Variants in NFIA observed in about 807,000 individuals in gnomAD.
The protein encoded by NFIA is nuclear factor 1 A-type.
In NFIA, 8 loss-of-function variants were observed where a neutral mutation model predicts 62.8. That is an observed-to-expected ratio of 0.13 (90% CI 0.07 to 0.23). The LOEUF is 0.23. Ranked by LOEUF, NFIA falls within the 10% of genes least tolerant of loss-of-function variation. The pLI is 1.00. For synonymous variants in NFIA, 235 were observed against 238.1 expected, an observed-to-expected ratio of 0.99 and a Z score of 0.12; for missense variants, 410 against 642.1, an observed-to-expected ratio of 0.64 and a Z score of 3.91.
At chr1:61,447,122 C>T (rs1458000866) in intron 10 of NFIA, among the ~76,000 whole-genome samples, 1 of 151,748 alleles carries the variant, frequency 6.6e-6, no homozygotes, top group Non-Finnish European at 1.5e-5. Flanking sequence ...CAACTCTCCC[C>T]CTGCCAAAAA....
chr1:61,397,755 G>A (rs1048909666), intron 7 of NFIA, among the ~76,000 whole-genome samples: 1 of 152,188 alleles, frequency 6.6e-6, no homozygotes, highest in Non-Finnish European at 1.5e-5. Context: ...TTAAACTCAT[G>A]TCTATCTGAC....
At chr1:61,261,164 G>A (rs1656750650) in intron 2 of NFIA, among the ~76,000 whole-genome samples, 1 of 152,192 alleles carries the variant, frequency 6.6e-6, no homozygotes, top group African/African-American at 2.4e-5. Flanking sequence ...GCTTCTAACA[G>A]TTGATTCTGA....
At chr1:61,228,690 T>A (rs555828509) in intron 2 of NFIA, among the ~76,000 whole-genome samples, 123 of 152,008 alleles carry the variant, frequency 8.1e-4, no homozygotes, top group African/African-American at 2.2e-3. Flanking sequence ...CTGTATTTTT[T>A]AAAAAAAATG....
intron 2 of NFIA, among the ~76,000 whole-genome samples, chr1:61,089,659 G>A (rs2100416751): frequency 6.9e-6 from 1 of 145,228 alleles, no homozygotes; most frequent in African/African-American, 2.5e-5. Context: ...CTACCAGTAG[G>A]TTGTTTTGGG....
At chr1:61,242,830 T>G (rs2100647148) in intron 2 of NFIA, among the ~76,000 whole-genome samples, 1 of 152,274 alleles carries the variant, frequency 6.6e-6, no homozygotes, top group East Asian at 1.9e-4. Flanking sequence ...TTTGTTTTTA[T>G]CTCAATTGGT....
intron 2 of NFIA, among the ~76,000 whole-genome samples, chr1:61,197,109 G>A (rs1216686750): frequency 6.6e-6 from 1 of 151,972 alleles, no homozygotes; most frequent in Non-Finnish European, 1.5e-5. Flanking sequence ...GCAACGAAGA[G>A]ATAAGAGTTT....
chr1:61,257,379 C>A (rs1284978319), intron 2 of NFIA, among the ~76,000 whole-genome samples: 1 of 142,052 alleles, frequency 7.0e-6, no homozygotes, highest in Non-Finnish European at 1.5e-5. Flanking sequence ...CCTCTGTCAC[C>A]CAGGCTGGAG....
intron 3 of NFIA, among the ~76,000 whole-genome samples, chr1:61,308,616 G>T (rs149068969): frequency 7.9e-5 from 12 of 152,250 alleles, no homozygotes; most frequent in African/African-American, 2.9e-4. Context: ...AAGAAGATGG[G>T]CTTGGAAATC....
chr1:61,103,815 T>C (rs1052503201), intron 2 of NFIA, among the ~76,000 whole-genome samples: 4 of 152,208 alleles, frequency 2.6e-5, no homozygotes, highest in African/African-American at 9.6e-5. Context: ...TTTCTATTTC[T>C]TCACCCAAAT....
chr1:61,159,311 GAGAA>G (rs1649017135), intron 2 of NFIA, among the ~76,000 whole-genome samples: 1 of 152,164 alleles, frequency 6.6e-6, no homozygotes, highest in African/African-American at 2.4e-5. Flanking sequence ...AAAGAGGCAA[GAGAA>G]AGCATTGATC....
At chr1:61,087,842 C>T (rs1051088774) in intron 1 of NFIA, among the ~76,000 whole-genome samples, 1 of 152,216 alleles carries the variant, frequency 6.6e-6, no homozygotes, top group Non-Finnish European at 1.5e-5. Context: ...ATAAACTTCA[C>T]TTACTATCTA....
Position 61,383,372 on chromosome 1 carries a change from TGCTCCACAGGCACCC to T in NFIA, c.1075+8_1075+22del. 6.2e-7 allele frequency: 1 copy of T among 1,613,798 alleles called. No individual in the cohort carries two copies. The highest frequency in any genetic ancestry group is 8.5e-7 in the Non-Finnish European group (1 of 1,179,780). On this transcript the variant is annotated splice_region_variant and intron_variant, in intron 7 of 10. Coordinates refer to ENST00000403491, the MANE Select transcript of NFIA (RefSeq NM_001134673.4). ...GTCATTACAGGACCCAGAGGTGAGCTGCTCCACAGGCACCCTTGGTTGTGCTTATATCATGGCCTT... is the reference window on the plus strand; with the variant it reads ...GTCATTACAGGACCCAGAGGTGAGCTTTGGTTGTGCTTATATCATGGCCTT...
At chr1:61,091,253 A>AT (rs556362936) in intron 2 of NFIA, among the ~76,000 whole-genome samples, 37 of 152,222 alleles carry the variant, frequency 2.4e-4, no homozygotes, top group African/African-American at 8.9e-4. Flanking sequence ...GTGTGTAATA[A>AT]TTCTTGCTTT....
intron 2 of NFIA, among the ~76,000 whole-genome samples, chr1:61,222,885 A>G (rs1654106272): frequency 6.6e-6 from 1 of 152,072 alleles, no homozygotes; most frequent in Non-Finnish European, 1.5e-5. Context: ...TTTTATACAA[A>G]GACTGAAATG....
chr1:61,226,678 G>A (rs1485277253), intron 2 of NFIA, among the ~76,000 whole-genome samples: 1 of 152,110 alleles, frequency 6.6e-6, no homozygotes, highest in South Asian at 2.1e-4. Context: ...TTTTGGTAAA[G>A]GGATTTTACA....
At chr1:61,356,497 C>T (rs1662961940) in intron 5 of NFIA, among the ~76,000 whole-genome samples, 1 of 151,660 alleles carries the variant, frequency 6.6e-6, no homozygotes. Flanking sequence ...TCCTGGTTGC[C>T]AAGGCAAAAA....
chr1:61,103,586 A>C (rs1224337362), intron 2 of NFIA, among the ~76,000 whole-genome samples: 1 of 152,186 alleles, frequency 6.6e-6, no homozygotes, highest in Non-Finnish European at 1.5e-5. Flanking sequence ...ATAGGGGTGC[A>C]TAGAACCTGG....
chr1:61,306,361 C>A (rs1659799882), intron 3 of NFIA, among the ~76,000 whole-genome samples: 1 of 144,758 alleles, frequency 6.9e-6, no homozygotes, highest in Admixed American at 7.2e-5. Flanking sequence ...ACGCAACCTC[C>A]CCCTCCTGGG....
intron 2 of NFIA, among the ~76,000 whole-genome samples, chr1:61,177,686 T>TGTGTGTG (rs1557616609): frequency 6.6e-6 from 1 of 151,246 alleles, no homozygotes; most frequent in Non-Finnish European, 1.5e-5. Flanking sequence ...TGTGTGTGTG[T>TGTGTGTG]TGGAATACCA....
Sources: allele counts gnomAD v4.1 joint callset (sites outside exome capture counted in the v4.1 genomes callset), GRCh38; gene constraint gnomAD v4.1.1; transcripts MANE v1.5; gene names NCBI Gene and HGNC (gene_info 2026-07-23, HGNC 2026-07-21).